Variants in PAPOLA observed in about 807,000 individuals in gnomAD.
PAPOLA encodes polynucleotide adenylyltransferase alpha.
A neutral mutation model predicts 100.6 loss-of-function variants in PAPOLA; 15 were observed. The observed-to-expected ratio is 0.15, with a 90% CI of 0.10 to 0.23. The LOEUF (loss-of-function observed/expected upper bound fraction) is 0.23, where lower values mean the gene tolerates loss of function less well. Ranked by LOEUF, PAPOLA falls within the 10% of genes least tolerant of loss-of-function variation. PAPOLA has a pLI of 1.00. For synonymous variants in PAPOLA, 293 were observed against 300.0 expected (o/e 0.98, Z 0.24); for missense variants, 533 against 884.2 (o/e 0.60, Z 5.04).
At chr14:96,504,723 G>GTAAA (rs1270317394) in intron 1 of PAPOLA, 1 of 152,146 alleles carries the variant, frequency 6.6e-6, no homozygotes. Flanking sequence ...AATTACTGTA[G>GTAAA]TAAACAATAG....
intron 1 of PAPOLA, among the ~76,000 whole-genome samples, chr14:96,511,612 G>C (rs1211179233): frequency 6.6e-6 from 1 of 152,046 alleles, no homozygotes; most frequent in Non-Finnish European, 1.5e-5. Flanking sequence ...CTTTGCACTT[G>C]TTGTTTAAGG....
At chr14:96,539,572 T>C (rs1899809364) in intron 12 of PAPOLA, among the ~76,000 whole-genome samples, 1 of 152,096 alleles carries the variant, frequency 6.6e-6, no homozygotes. Context: ...TGTTTTTAAC[T>C]ATTTTTATTG....
At chr14:96,549,181 G>A (rs1900631921) in intron 16 of PAPOLA, among the ~76,000 whole-genome samples, 1 of 151,948 alleles carries the variant, frequency 6.6e-6, no homozygotes, top group Admixed American at 6.6e-5. Flanking sequence ...TTCACAACTT[G>A]GAGATAGGTA....
intron 1 of PAPOLA, among the ~76,000 whole-genome samples, chr14:96,505,117 T>C (rs1383916883): frequency 6.6e-6 from 1 of 152,238 alleles, no homozygotes; most frequent in Non-Finnish European, 1.5e-5. Context: ...TCTGAAAGTT[T>C]TGATAGTCTT....
At chr14:96,529,302 C>T (rs1898780807) in intron 6 of PAPOLA, among the ~76,000 whole-genome samples, 1 of 151,994 alleles carries the variant, frequency 6.6e-6, no homozygotes, top group Non-Finnish European at 1.5e-5. Context: ...ACTTTGAAAT[C>T]TGTTCTTTTT....
chr14:96,542,841 C>T lies in PAPOLA; in HGVS notation c.1237C>T (p.Leu413=). 6.2e-7 allele frequency: 1 copy of T among 1,612,836 alleles called. No individual in the cohort carries two copies. The highest frequency in any genetic ancestry group is 1.1e-5 in the South Asian group (1 of 90,772). The change falls in exon 14 of 22, where the codon CTG becomes TTG. Residue 413 remains leucine (L), a synonymous_variant. Coordinates refer to ENST00000216277, the MANE Select transcript of PAPOLA (RefSeq NM_032632.5). ...CTTGGAGAAGAATGAATTTATTACA[C>T]TGGCTCATGTGAATCCCCAGTCATT... ...GSLEKNEFIT[L]AHVNPQSFPA... is the part of the protein sequence containing the mutation.
At chr14:96,503,126 T>A (rs1896438383) in intron 1 of PAPOLA, among the ~76,000 whole-genome samples, 1 of 152,220 alleles carries the variant, frequency 6.6e-6, no homozygotes, top group African/African-American at 2.4e-5. Flanking sequence ...GTTAGCCCCT[T>A]TCCACTGACC....
chr14:96,520,439 G>T (rs866408513), intron 2 of PAPOLA, among the ~76,000 whole-genome samples: 10 of 152,092 alleles, frequency 6.6e-5, no homozygotes, highest in African/African-American at 2.2e-4. Context: ...GCAATGGTGT[G>T]ATCTTGGCTC....
chr14:96,542,685 C>T (rs1900088761), intron 13 of PAPOLA, 89 bp from the exon 14 acceptor site: 1 of 1,205,724 alleles, frequency 8.3e-7, no homozygotes, highest in African/African-American at 1.6e-5. Flanking sequence ...GGGAGTTCAG[C>T]TAGTTGAAAT....
At chr14:96,550,701 CTCTT>C (rs1267177428) in intron 16 of PAPOLA, among the ~76,000 whole-genome samples, 2 of 152,074 alleles carry the variant, frequency 1.3e-5, no homozygotes, top group African/African-American at 4.8e-5. Flanking sequence ...TGTTTAATAT[CTCTT>C]TATATAGCTA....
At chr14:96,532,489 T>C in intron 8 of PAPOLA, 22 bp from the exon 9 acceptor site, 1 of 1,606,056 alleles carries the variant, frequency 6.2e-7, no homozygotes, top group Non-Finnish European at 8.5e-7. Context: ...AACTTATCTT[T>C]TTGCTTTTCC....
At position 96,557,610 on chromosome 14, in the gene PAPOLA, C is replaced by G. The variant is rs376883466; in HGVS notation, c.2004+1197C>G. 3.0e-3 allele frequency among the ~76,000 whole-genome samples: 444 copies of G among 148,808 alleles called. 17 individuals are homozygous for G. The South Asian group carries it at 0.081, about 27-fold the overall frequency. On this transcript the variant is annotated intron_variant, in intron 19 of 21. Transcript: ENST00000216277. ...AAGAATGTATTTAGTAATTTACTTA[C>G]TACAACACAATTTCTTTAGAGTGGA...
chr14:96,538,336 A>G (rs887342727), intron 12 of PAPOLA, among the ~76,000 whole-genome samples: 4 of 152,006 alleles, frequency 2.6e-5, no homozygotes, highest in African/African-American at 9.7e-5. Flanking sequence ...TTTAAGAAAG[A>G]TTAATGTTTA....
intron 11 of PAPOLA, among the ~76,000 whole-genome samples, chr14:96,536,607 A>G (rs1899553298): frequency 6.6e-6 from 1 of 152,060 alleles, no homozygotes; most frequent in Non-Finnish European, 1.5e-5. Context: ...AGGCCCATCA[A>G]GGGAAGATGC....
rs1300518693 is a variant in PAPOLA at position 96,531,601 on chromosome 14, ACTTC to A, written c.607+19_607+22del. Reference sequence around the variant, plus strand: ...AAGTCTTAACGGTATGAGAAAGCCTACTTCCTTTTGTGTACTTCAGTTTTTGTCA... The same window carrying A: ...AAGTCTTAACGGTATGAGAAAGCCTACTTTTGTGTACTTCAGTTTTTGTCA... On this transcript the variant is annotated intron_variant, in intron 7 of 21. Transcript: ENST00000216277. The A allele has an allele frequency of 2.5e-6, 4 of 1,588,300 alleles. No homozygotes were observed. The highest frequency in any genetic ancestry group is 1.1e-5 in the South Asian group (1 of 88,034).
chr14:96,513,620 T>TTGTC (rs1897247460), intron 1 of PAPOLA, among the ~76,000 whole-genome samples: 1 of 152,230 alleles, frequency 6.6e-6, no homozygotes. Flanking sequence ...GGCTCGTTTT[T>TTGTC]TTTACACCAT....
rs1295833137 is a variant in PAPOLA, at chr14:96,555,915, T to C, written c.1733T>C (p.Val578Ala). Residue 578 changes from valine (V) to alanine (A), a missense_variant, in exon 18 of 22, where the codon GTG (valine) becomes GCG (alanine). Transcript: ENST00000216277. ...VTNIQATEVS[V>A]PQVNSSESSG... ...AACATACAGGCTACTGAAGTTTCTG[T>C]GCCACAAGTAAATTCCAGTGAAAGC... The C allele has an allele frequency of 6.2e-7, 1 of 1,610,356 alleles. No homozygotes were observed. The highest frequency in any genetic ancestry group is 8.5e-7 in the Non-Finnish European group (1 of 1,176,762).
At chr14:96,510,483 G>A (rs1380438066) in intron 1 of PAPOLA, among the ~76,000 whole-genome samples, 1 of 150,638 alleles carries the variant, frequency 6.6e-6, no homozygotes, top group East Asian at 1.9e-4. Flanking sequence ...ACACACGCGC[G>A]CGTGCGCTTG....
chr14:96,552,574 C>T lies in PAPOLA; in HGVS notation c.1616C>T (p.Thr539Ile), dbSNP rs1172752898. Residue 539 changes from threonine to isoleucine, a missense_variant, in exon 17 of 22, where the codon ACT (threonine) becomes ATT (isoleucine). By Grantham distance (89) the Thr-to-Ile change is moderately conservative. Transcript: ENST00000216277. ...AACAGCATGTCTGTGCCTTCACCTA[C>T]TAGTGCTACGAAGACCAGTCCATTG... ...SDNSMSVPSPTSATKTSPLNS... is the reference protein window; with the variant it reads ...SDNSMSVPSPISATKTSPLNS... 2 of 1,613,918 alleles carry T rather than the reference C, an allele frequency of 1.2e-6. No individual in the cohort carries two copies. Among genetic ancestry groups the T allele is most frequent in the African/African-American group, 2.7e-5 (2 of 74,916 alleles).
Sources: allele counts gnomAD v4.1 joint callset (sites outside exome capture counted in the v4.1 genomes callset), GRCh38; gene constraint gnomAD v4.1.1; transcripts MANE v1.5; gene names NCBI Gene and HGNC (gene_info 2026-07-23, HGNC 2026-07-21).